The following RNF38 variants were observed in gnomAD, a reference collection of about 807,000 sequenced individuals.
The protein encoded by RNF38 is ring finger protein 38.
RNF38 carries 15 observed loss-of-function variants against 67.2 expected under a neutral mutation model. That is an observed-to-expected ratio of 0.22 (90% confidence interval 0.15 to 0.34). The LOEUF is 0.34. RNF38 is among the 10% of genes least tolerant of loss of function. The pLI is 1.00. For missense variants in RNF38, 524 were observed against 639.9 expected (o/e 0.82, Z 1.95); for synonymous variants, 220 against 218.8 (o/e 1.01, Z -0.05).
In RNF38 at chr9:36,482,414, G is replaced by A. The variant is rs567085262; in HGVS notation, n.241+4894C>T. On this transcript the variant is annotated intron_variant and non_coding_transcript_variant, in intron 1 of 3. Transcript: ENST00000488058. ...GTTGCCCAGGCTGGAGTGCAGTGGC[G>A]TGATCTCAGCTCACTGCAACCTCCA... Among the ~76,000 whole-genome samples the A allele has an allele frequency of 1.4e-4, 20 of 142,426 alleles. No homozygotes were observed. The South Asian group carries it at 2.2e-3, about 16-fold the overall frequency. 93.4% of individuals were successfully genotyped at this position (142,426 alleles called of 152,430 possible). A position where few individuals can be genotyped will look rare whatever the true frequency, so the allele number is the denominator to read the frequency against.
chr9:36,446,313 TA>T (rs1839298661), intron 1 of RNF38, among the ~76,000 whole-genome samples: 1 of 152,226 alleles, frequency 6.6e-6, no homozygotes, highest in African/African-American at 2.4e-5. Context: ...AGCACTCATA[TA>T]AACAGCAAGG....
Position 36,425,282 on chromosome 9 carries a change from C to T in RNF38, n.242-599G>A, listed in dbSNP as rs373508317. On this transcript the variant is annotated intron_variant and non_coding_transcript_variant, in intron 1 of 3. Transcript: ENST00000488058. ...ACAAGTGATTGGAACAACAGATTACCCATTTTTTTTAAAAAAAGTTTTGGT... is the reference window on the plus strand; with the variant it reads ...ACAAGTGATTGGAACAACAGATTACTCATTTTTTTTAAAAAAAGTTTTGGT... Among the ~76,000 whole-genome samples the T allele has an allele frequency of 4.6e-5, 7 of 152,156 alleles. No homozygotes were observed. The East Asian group carries it at 1.2e-3, about 25-fold the overall frequency.
At chr9:36,474,296 G>C (rs1004783001) in intron 1 of RNF38, among the ~76,000 whole-genome samples, 3 of 148,138 alleles carry the variant, frequency 2.0e-5, no homozygotes, top group Admixed American at 6.7e-5. Flanking sequence ...CTGGGCGACA[G>C]AGCAAGACTC....
chr9:36,472,654 A>G (rs758108296), intron 1 of RNF38, among the ~76,000 whole-genome samples: 5 of 152,176 alleles, frequency 3.3e-5, no homozygotes, highest in African/African-American at 4.8e-5. Context: ...ATACCTATTA[A>G]GCCCACAATA....
intron 2 of RNF38, among the ~76,000 whole-genome samples, chr9:36,423,823 C>T (rs1838696128): frequency 1.1e-5 from 1 of 88,772 alleles, no homozygotes; most frequent in African/African-American, 4.0e-5. Flanking sequence ...GTGGCGGGCG[C>T]CTGTAGTCCC....
At chr9:36,427,665 ATCTATCTATCTATCTAT>A (rs1161591600) in intron 1 of RNF38, among the ~76,000 whole-genome samples, 3 of 28,936 alleles carry the variant, frequency 1.0e-4, no homozygotes, top group Non-Finnish European at 3.8e-4. Context: ...GCCTCTATCT[ATCTATCTATCTATCTAT>A]CTATCTATCT....
chr9:36,408,453 G>T (rs1387085224), intron 2 of RNF38, among the ~76,000 whole-genome samples: 3 of 152,158 alleles, frequency 2.0e-5, no homozygotes, highest in African/African-American at 7.2e-5. Context: ...GCATCAGGAA[G>T]AGAGAAGCCC....
chr9:36,430,692 A>G (rs1223190865), intron 1 of RNF38, among the ~76,000 whole-genome samples: 1 of 152,210 alleles, frequency 6.6e-6, no homozygotes, highest in Admixed American at 6.6e-5. Context: ...GACTGGTTCT[A>G]CTTTGTATTT....
chr9:36,436,212 G>GA (rs1183128777), intron 1 of RNF38, among the ~76,000 whole-genome samples: 2 of 152,162 alleles, frequency 1.3e-5, no homozygotes, highest in African/African-American at 4.8e-5. Flanking sequence ...TTTGGTAAGG[G>GA]AGATGCCAAG....
intron 1 of RNF38, among the ~76,000 whole-genome samples, chr9:36,469,944 A>ACTCT (rs1014159265): frequency 6.6e-6 from 1 of 152,154 alleles, no homozygotes; most frequent in Admixed American, 6.5e-5. Flanking sequence ...ATGCCACTGC[A>ACTCT]CTCTAGCCTG....
At chr9:36,364,740 T>C (rs1834815437) in intron 4 of RNF38, among the ~76,000 whole-genome samples, 1 of 152,214 alleles carries the variant, frequency 6.6e-6, no homozygotes, top group Non-Finnish European at 1.5e-5. Context: ...CAATGTGCAT[T>C]AGAATCACCT....
At chr9:36,422,429 CAAAA>C (rs527953202) in intron 2 of RNF38, among the ~76,000 whole-genome samples, 5 of 143,862 alleles carry the variant, frequency 3.5e-5, no homozygotes, top group Admixed American at 7.0e-5. Flanking sequence ...CACCAAAAAA[CAAAA>C]AAAAAAAAAC....
At chr9:36,411,061 G>A (rs1838311399) in intron 2 of RNF38, among the ~76,000 whole-genome samples, 1 of 150,020 alleles carries the variant, frequency 6.7e-6, no homozygotes, top group Admixed American at 6.7e-5. Flanking sequence ...TTTTATTACA[G>A]TAAAAAATGT....
chr9:36,376,505 A>G (rs1237873836), intron 2 of RNF38, among the ~76,000 whole-genome samples: 2 of 152,222 alleles, frequency 1.3e-5, no homozygotes, highest in Non-Finnish European at 2.9e-5. Context: ...TCAATAAGAC[A>G]TCAATTCTCA....
chr9:36,451,496 T>G lies in RNF38; in HGVS notation n.242-26813A>C, dbSNP rs866634250. ...AAGAAAAAAAAATTGTAGTAGTTTTTTTTTTTTTTTTTTTTTTTTTTGAGA... is the reference window on the plus strand; with the variant it reads ...AAGAAAAAAAAATTGTAGTAGTTTTGTTTTTTTTTTTTTTTTTTTTTGAGA... On this transcript the variant is annotated intron_variant and non_coding_transcript_variant, in intron 1 of 3. Coordinates refer to the RNF38 transcript ENST00000488058. Among the ~76,000 whole-genome samples, 985 of 125,402 alleles carry G rather than the reference T, an allele frequency of 7.9e-3. 22 individuals carry two copies. The highest frequency in any genetic ancestry group is 0.034 in the African/African-American group (921 of 27,402). The allele number at this position is 125,402 out of a possible 152,430, so 82.3% of individuals were successfully genotyped here. A position where few individuals can be genotyped will look rare whatever the true frequency, so the allele number is the denominator to read the frequency against.
chr9:36,424,169 C>A (rs1838710090), intron 2 of RNF38, among the ~76,000 whole-genome samples: 1 of 151,776 alleles, frequency 6.6e-6, no homozygotes, highest in African/African-American at 2.4e-5. Flanking sequence ...GTAAACAGAG[C>A]CAAAAAAATT....
At chr9:36,454,271 C>T (rs1248759946) in intron 1 of RNF38, among the ~76,000 whole-genome samples, 3 of 151,678 alleles carry the variant, frequency 2.0e-5, no homozygotes, top group Admixed American at 1.3e-4. Flanking sequence ...TTACAGGCAT[C>T]CGCCACCATG....
At chr9:36,395,088 CA>C (rs1255077442) in intron 1 of RNF38, among the ~76,000 whole-genome samples, 1 of 152,158 alleles carries the variant, frequency 6.6e-6, no homozygotes, top group Non-Finnish European at 1.5e-5. Flanking sequence ...CCCTATTTCA[CA>C]AAACTAAAGT....
intron 2 of RNF38, among the ~76,000 whole-genome samples, chr9:36,384,015 C>A (rs758868433): frequency 6.6e-6 from 1 of 152,100 alleles, no homozygotes; most frequent in Non-Finnish European, 1.5e-5. Flanking sequence ...AGGAGGCCTG[C>A]ATGGCTAGTA....
Sources: gnomAD v4.1 joint callset for allele counts (sites outside exome capture counted in the v4.1 genomes callset) on GRCh38, gnomAD v4.1.1 for gene constraint, MANE v1.5 for transcripts, NCBI Gene and HGNC (gene_info 2026-07-23, HGNC 2026-07-21) for gene names.